Variants in GRK3 observed in about 807,000 individuals in gnomAD.
GRK3 encodes the protein G protein-coupled receptor kinase 3, also known as adrenergic, beta, receptor kinase 2.
Under a neutral mutation model 95.7 loss-of-function variants are expected in GRK3, and 54 were observed. The observed-to-expected ratio is 0.56, with a 90% CI of 0.45 to 0.71. GRK3 has a LOEUF of 0.71. Among genes scored for constraint, GRK3 ranks in the 30% least tolerant of loss-of-function variants. The probability of loss-of-function intolerance (pLI) is 0.00; values close to 1 mark genes in which losing one functional copy is unlikely to be tolerated. For synonymous variants in GRK3, 281 were observed against 290.8 expected, an observed-to-expected ratio of 0.97 and a Z score of 0.34; for missense variants, 649 against 851.2, an observed-to-expected ratio of 0.76 and a Z score of 2.96.
At chr22:25,671,715 T>C (rs953171960) in intron 6 of GRK3, among the ~76,000 whole-genome samples, 37 of 152,338 alleles carry the variant, frequency 2.4e-4, no homozygotes, top group Admixed American at 9.8e-4. Flanking sequence ...GAGGAATACA[T>C]GAGCAGGCCT....
intron 2 of GRK3, among the ~76,000 whole-genome samples, chr22:25,628,988 G>T (rs545686121): frequency 2.0e-5 from 3 of 152,228 alleles, no homozygotes; most frequent in South Asian, 4.2e-4. Flanking sequence ...GTACGTGACT[G>T]GGCAGGAAGA....
intron 15 of GRK3, among the ~76,000 whole-genome samples, chr22:25,707,443 G>A (rs1016128543): frequency 5.3e-5 from 8 of 152,192 alleles, no homozygotes; most frequent in African/African-American, 1.4e-4. Context: ...ATGCTACCCC[G>A]TGAAGTGGCT....
chr22:25,655,616 A>C (rs1287097265), intron 3 of GRK3, among the ~76,000 whole-genome samples: 1 of 151,974 alleles, frequency 6.6e-6, no homozygotes, highest in Non-Finnish European at 1.5e-5. Flanking sequence ...CTGGACCATT[A>C]TTTGACTCAT....
intron 3 of GRK3, among the ~76,000 whole-genome samples, chr22:25,656,993 G>A (rs1425817526): frequency 6.6e-6 from 1 of 152,182 alleles, no homozygotes; most frequent in Admixed American, 6.5e-5. Flanking sequence ...TAACATGGTA[G>A]GAAAGAACTG....
chr22:25,695,877 C>A (rs1298738448), intron 13 of GRK3, among the ~76,000 whole-genome samples: 7 of 150,788 alleles, frequency 4.6e-5, no homozygotes, highest in Admixed American at 3.3e-4. Flanking sequence ...CTCTGTCTCC[C>A]AGGCTGGAGT....
chr22:25,710,102 C>T, intron 16 of GRK3, 138 bp downstream of exon 16: 1 of 712,316 alleles, frequency 1.4e-6, no homozygotes, highest in South Asian at 1.6e-5. Context: ...CCACCACCCA[C>T]CTCCCCCAGC....
chr22:25,687,239 C>T (rs535205324), intron 10 of GRK3, among the ~76,000 whole-genome samples: 6 of 152,040 alleles, frequency 3.9e-5, no homozygotes, highest in Non-Finnish European at 7.4e-5. Flanking sequence ...GTAATCAAAG[C>T]AGGTTAGCTA....
chr22:25,625,758 A>G (rs1286791174), intron 2 of GRK3, among the ~76,000 whole-genome samples: 1 of 152,218 alleles, frequency 6.6e-6, no homozygotes, highest in African/African-American at 2.4e-5. Context: ...GCAGTAGTCA[A>G]TTAGTGAAAG....
chr22:25,620,598 A>G (rs995400702), intron 2 of GRK3, among the ~76,000 whole-genome samples: 31 of 152,170 alleles, frequency 2.0e-4, no homozygotes, highest in Admixed American at 2.0e-3. Flanking sequence ...AATAACTCCT[A>G]CAACATTCCT....
In GRK3 at chr22:25,722,347, A is replaced by G; in HGVS notation, c.1964A>G (p.Gln655Arg). 6.2e-7 allele frequency: 1 copy of G among 1,614,208 alleles called. No individual in the cohort carries two copies. The highest frequency in any genetic ancestry group is 8.5e-7 in the Non-Finnish European group (1 of 1,180,038). ...KELNETFKEA[Q>R]RLLRRAPKFL... Reference sequence around the variant, plus strand: ...TTGAACGAAACCTTCAAGGAGGCCCAGCGGCTATTGCGTCGTGCCCCGAAG... The same window carrying G: ...TTGAACGAAACCTTCAAGGAGGCCCGGCGGCTATTGCGTCGTGCCCCGAAG... Residue 655 changes from glutamine to arginine, a missense_variant, in exon 21 of 21, where the codon CAG (glutamine) becomes CGG (arginine). Around this residue, in one of 3 missense-constraint regions of GRK3, gnomAD observed 382 missense variants for 493.8 expected, o/e 0.77. Coordinates refer to ENST00000324198, the MANE Select transcript of GRK3 (RefSeq NM_005160.4).
At chr22:25,689,912 A>G (rs1251696787) in intron 11 of GRK3, among the ~76,000 whole-genome samples, 2 of 152,166 alleles carry the variant, frequency 1.3e-5, no homozygotes, top group Admixed American at 1.3e-4. Context: ...ATGCTGATGA[A>G]CTGTTCCCAA....
In GRK3 at chr22:25,690,582, CAGTT is replaced by C. The variant is rs1251753881; in HGVS notation, c.1052+301_1052+304del. On this transcript the variant is annotated intron_variant, in intron 12 of 20. Transcript: ENST00000324198. ...TACCTGTGTGACCCTAAAAGTCAGT[CAGTT>C]ACTTAGTCTGTTAGTAATGGTAGTA... 3.3e-5 allele frequency among the ~76,000 whole-genome samples: 5 copies of C among 152,256 alleles called. No individual in the cohort carries two copies. In the East Asian group the frequency reaches 9.6e-4, roughly 29 times the overall value.
chr22:25,719,735 G>A (rs1339218851), intron 19 of GRK3, among the ~76,000 whole-genome samples: 1 of 151,240 alleles, frequency 6.6e-6, no homozygotes, highest in African/African-American at 2.4e-5. Flanking sequence ...TAAGCAGGAC[G>A]ATGGTCCCAA....
At chr22:25,662,327 G>A (rs562541429) in intron 4 of GRK3, among the ~76,000 whole-genome samples, 11 of 152,330 alleles carry the variant, frequency 7.2e-5, no homozygotes, top group Admixed American at 7.2e-4. Context: ...GCTGCATGTG[G>A]CAATTTACAT....
intron 5 of GRK3, among the ~76,000 whole-genome samples, chr22:25,664,883 G>A (rs1365231965): frequency 6.6e-6 from 1 of 152,176 alleles, no homozygotes; most frequent in Non-Finnish European, 1.5e-5. Flanking sequence ...AGCAAATACC[G>A]ATTTGGCTCT....
intron 2 of GRK3, among the ~76,000 whole-genome samples, chr22:25,626,568 T>C (rs76707978): frequency 0.023 from 3,493 of 152,314 alleles, 65 homozygotes; most frequent in Middle Eastern, 0.068. Flanking sequence ...ATTCACAACT[T>C]ACCAGATGAC....
intron 18 of GRK3, among the ~76,000 whole-genome samples, chr22:25,715,966 G>C (rs938702107): frequency 5.9e-5 from 9 of 152,050 alleles, no homozygotes; most frequent in Admixed American, 1.3e-4. Flanking sequence ...ATTCTGCAGG[G>C]ACACATAGCC....
chr22:25,641,595 G>T (rs2084743408), intron 2 of GRK3, among the ~76,000 whole-genome samples: 1 of 152,234 alleles, frequency 6.6e-6, no homozygotes, highest in Non-Finnish European at 1.5e-5. Flanking sequence ...GTGAATGGAT[G>T]CGAGATAGAG....
At chr22:25,650,057 TC>T in intron 3 of GRK3, among the ~76,000 whole-genome samples, 1 of 151,578 alleles carries the variant, frequency 6.6e-6, no homozygotes, top group Non-Finnish European at 1.5e-5. Context: ...ATTGGCGCCA[TC>T]CTGGTTCACT....
Sources: allele counts gnomAD v4.1 joint callset (sites outside exome capture counted in the v4.1 genomes callset), GRCh38; gene constraint gnomAD v4.1.1; regional missense constraint gnomAD v4.1.1; transcripts MANE v1.5; gene names NCBI Gene and HGNC (gene_info 2026-07-23, HGNC 2026-07-21).